Variants in NINL observed in about 807,000 individuals in gnomAD.
NINL encodes ninein like.
Under a neutral mutation model 160.3 loss-of-function variants are expected in NINL, and 153 were observed. The ratio of observed to expected loss-of-function variants is 0.95; its 90% confidence interval spans 0.84 to 1.09. The LOEUF (loss-of-function observed/expected upper bound fraction) is 1.09, where lower values mean the gene tolerates loss of function less well. Among genes scored for constraint, NINL ranks in the 50% least tolerant of loss-of-function variants. The pLI, the probability that NINL is intolerant of heterozygous loss-of-function variation, is 0.00. For missense variants in NINL, 1,829 were observed against 1,764.0 expected (o/e 1.04, Z -0.66); for synonymous variants, 800 against 734.8 (o/e 1.09, Z -1.43).
Position 25,467,450 on chromosome 20 carries a change from A to G in NINL, c.3362T>C (p.Ile1121Thr), listed in dbSNP as rs1161717530. 33 of 1,613,482 alleles carry G rather than the reference A, an allele frequency of 2.0e-5. No homozygotes were observed. The highest frequency in any genetic ancestry group is 2.5e-5 in the Non-Finnish European group (29 of 1,179,592). Reference sequence around the variant, plus strand: ...TTCCTTGTCTTTCTTTAAAACCTCAATTTCCTTCCTGTTGAAGAAGCACAA... The same window carrying G: ...TTCCTTGTCTTTCTTTAAAACCTCAGTTTCCTTCCTGTTGAAGAAGCACAA... Reference protein sequence around the residue: ...ESTHDAQRKEIEVLKKDKEKA... With the variant: ...ESTHDAQRKETEVLKKDKEKA... Residue 1121 changes from isoleucine to threonine, a missense_variant, in exon 19 of 24, where the codon ATT becomes ACT. Physicochemically the swap from Ile to Thr is moderately conservative, Grantham distance 89. Transcript: ENST00000278886.
intron 18 of NINL, among the ~76,000 whole-genome samples, chr20:25,468,557 GC>G (rs2062983281): frequency 9.7e-6 from 1 of 103,184 alleles, no homozygotes; most frequent in African/African-American, 4.6e-5. Context: ...TCTCACTGGT[GC>G]GCACCCCCCT....
intron 5 of NINL, among the ~76,000 whole-genome samples, chr20:25,509,058 TTG>T (rs998436270): frequency 2.0e-5 from 3 of 152,196 alleles, no homozygotes; most frequent in African/African-American, 2.4e-5. Flanking sequence ...TCTGGTAGGC[TTG>T]TGACAGCTCT....
Position 25,565,666 on chromosome 20 carries a change from G to A in NINL, c.-12+19789C>T, listed in dbSNP as rs528276015. ...TCATCTTGACTGAATAAAGAAATAC[G>A]TAGAAACCCGCTAGGGCATTATGTT... On this transcript the variant is annotated intron_variant, in intron 1 of 23. Transcript: ENST00000278886. Among the ~76,000 whole-genome samples the A allele has an allele frequency of 9.2e-5, 14 of 152,300 alleles. 1 individual carries two copies. The South Asian group carries it at 2.7e-3, about 29-fold the overall frequency.
At position 25,489,888 on chromosome 20, in the gene NINL, A is replaced by G; in HGVS notation, c.1583T>C (p.Val528Ala). 6.2e-7 allele frequency: 1 copy of G among 1,614,038 alleles called. No individual in the cohort carries two copies. The highest frequency in any genetic ancestry group is 8.5e-7 in the Non-Finnish European group (1 of 1,179,976). The change falls in exon 12 of 24, where the codon GTG becomes GCG. Residue 528 changes from valine (V) to alanine (A), a missense_variant. By Grantham distance (64) the Val-to-Ala change is moderately conservative. Transcript: ENST00000278886. ...ALKLQKDLEF[V>A]LKDKLEPQSA... ...AAAGGGACTCGCCTTGTCCTTCAGC[A>G]CAAACTCCAGGTCCTTCTGCAGCTT...
Position 25,550,007 on chromosome 20 carries a change from C to T in NINL, c.-11-23409G>A, listed in dbSNP as rs141249762. The stretch of plus-strand genomic sequence containing the variant: ...AACACTGAGAGGACAGTGAAAAGAA[C>T]ACATGAAACACTTGGCATCTGTGTA... On this transcript the variant is annotated intron_variant, in intron 1 of 23. Coordinates refer to ENST00000278886, the MANE Select transcript of NINL (RefSeq NM_025176.6). Among the ~76,000 whole-genome samples, 207 of 152,342 alleles carry T rather than the reference C, an allele frequency of 1.4e-3. 1 individual carries two copies. The highest frequency in any genetic ancestry group is 4.7e-3 in the African/African-American group (195 of 41,566).
At position 25,569,450 on chromosome 20, in the gene NINL, C is replaced by T. The variant is rs921275003; in HGVS notation, c.-12+16005G>A. On this transcript the variant is annotated intron_variant, in intron 1 of 23. Transcript: ENST00000278886. The stretch of plus-strand genomic sequence containing the variant: ...TCTGTGATAATGCTTCCCAAGGGAG[C>T]GCCACAGTGCTGGGTTGGAGCAGCA... Among the ~76,000 whole-genome samples, 8 of 152,228 alleles carry T rather than the reference C, an allele frequency of 5.3e-5. No individual in the cohort carries two copies. In the South Asian group the frequency reaches 6.2e-4, roughly 12 times the overall value.
intron 1 of NINL, among the ~76,000 whole-genome samples, chr20:25,541,092 T>C (rs1250968616): frequency 6.6e-6 from 1 of 152,210 alleles, no homozygotes; most frequent in Non-Finnish European, 1.5e-5. Flanking sequence ...ATGTTAAAAC[T>C]GTCCTAGAAC....
chr20:25,507,783 C>T (rs1010299414), intron 5 of NINL, among the ~76,000 whole-genome samples: 1 of 152,200 alleles, frequency 6.6e-6, no homozygotes, highest in African/African-American at 2.4e-5. Context: ...AAAAGGCCAC[C>T]TTCGAGGTCC....
chr20:25,539,952 C>T, intron 1 of NINL: 1 of 1,099,712 alleles, frequency 9.1e-7, no homozygotes, highest in Non-Finnish European at 1.2e-6. Flanking sequence ...CCGGGGGCTC[C>T]CAGGCCTGCG....
intron 1 of NINL, among the ~76,000 whole-genome samples, chr20:25,540,725 T>C (rs1050680191): frequency 1.3e-5 from 2 of 152,206 alleles, no homozygotes; most frequent in African/African-American, 4.8e-5. Flanking sequence ...AGCCAGTGCC[T>C]ACCTTCCAGC....
At position 25,491,354 on chromosome 20, in the gene NINL, C is replaced by G. The variant is rs1331308853; in HGVS notation, c.1482G>C (p.Leu494=). ...AGLREKLTLA[L]KENSRLQKEI... is the part of the protein sequence containing the mutation. Reference sequence around the variant, plus strand: ...GATGCCCTGGGGATGCCCCTACCTTCAGGGCCAGGGTCAGCTTCTCGCGGA... The same window carrying G: ...GATGCCCTGGGGATGCCCCTACCTTGAGGGCCAGGGTCAGCTTCTCGCGGA... The change falls in exon 11 of 24, where the codon CTG becomes CTC. Residue 494 remains leucine, a synonymous_variant. Transcript: ENST00000278886. 6.2e-7 allele frequency: 1 copy of G among 1,605,680 alleles called. No homozygotes were observed. Among genetic ancestry groups the G allele is most frequent in the Non-Finnish European group, 8.5e-7 (1 of 1,177,698 alleles).
At chr20:25,520,612 C>T (rs538337197) in intron 2 of NINL, among the ~76,000 whole-genome samples, 1 of 152,348 alleles carries the variant, frequency 6.6e-6, no homozygotes, top group African/African-American at 2.4e-5. Context: ...AACTCTCCTT[C>T]TCACAGAGGC....
chr20:25,571,015 T>C (rs2065049319), intron 1 of NINL, among the ~76,000 whole-genome samples: 1 of 152,016 alleles, frequency 6.6e-6, no homozygotes, highest in Non-Finnish European at 1.5e-5. Flanking sequence ...CAAGTAGATG[T>C]TATTATTCTG....
rs2063246780 is a variant in NINL at position 25,476,542 on chromosome 20, C to A, written c.2749G>T (p.Asp917Tyr). The change falls in exon 17 of 24, where the codon GAT (aspartate) becomes TAT (tyrosine). Residue 917 changes from aspartate to tyrosine, a missense_variant. Coordinates refer to ENST00000278886, the MANE Select transcript of NINL (RefSeq NM_025176.6). ...SRMQPCGVDG[D>Y]IVPKEPEPFG... ...GGCTCTGGCTCCTTTGGGACAATAT[C>A]CCCATCCACTCCACAGGGCTGCATG... 3 of 1,600,220 alleles carry A rather than the reference C, an allele frequency of 1.9e-6. No individual in the cohort carries two copies. In the East Asian group the frequency reaches 6.7e-5, roughly 36 times the overall value.
Position 25,471,643 on chromosome 20 carries a change from G to A in NINL, c.3249-1548C>T, listed in dbSNP as rs533641268. ...CCTGGAAGCTGAAACCAACGCGTGAGCACTATGCAACACAAAGCTGGGGGG... is the reference window on the plus strand; with the variant it reads ...CCTGGAAGCTGAAACCAACGCGTGAACACTATGCAACACAAAGCTGGGGGG... On this transcript the variant is annotated intron_variant, in intron 17 of 23. Coordinates refer to ENST00000278886, the MANE Select transcript of NINL (RefSeq NM_025176.6). Among the ~76,000 whole-genome samples the A allele has an allele frequency of 7.2e-5, 11 of 152,344 alleles. No individual in the cohort carries two copies. In the East Asian group the frequency reaches 1.9e-3, roughly 27 times the overall value.
At chr20:25,504,151 C>T in intron 6 of NINL, 47 bp from the exon 7 acceptor site, 1 of 1,523,114 alleles carries the variant, frequency 6.6e-7, no homozygotes. Flanking sequence ...AGAGCTCCAC[C>T]CAACCGCCCT....
intron 1 of NINL, among the ~76,000 whole-genome samples, chr20:25,578,419 T>C (rs368046766): frequency 6.6e-6 from 1 of 152,152 alleles, no homozygotes; most frequent in African/African-American, 2.4e-5. Flanking sequence ...TGAAATGTTA[T>C]TTCCATGGGC....
rs1165122556 is a variant in NINL at position 25,476,408 on chromosome 20, G to A, written c.2883C>T (p.Pro961=). ...CCCTGCACGAAGCGGCCGGCCTCAG[G>A]GGTGGCTCCCACATCCGTGGCTGGG... ...SQTQPRMWEP[P]LRPAASCRGQ... The change falls in exon 17 of 24, where the codon CCC becomes CCT. Residue 961 remains proline, a synonymous_variant. Coordinates refer to ENST00000278886, the MANE Select transcript of NINL (RefSeq NM_025176.6). The A allele has an allele frequency of 1.3e-6, 2 of 1,574,850 alleles. No homozygotes were observed. Among genetic ancestry groups the A allele is most frequent in the South Asian group, 2.2e-5 (2 of 89,968 alleles).
intron 21 of NINL, among the ~76,000 whole-genome samples, chr20:25,460,570 C>T (rs2062758022): frequency 6.6e-6 from 1 of 152,176 alleles, no homozygotes; most frequent in Admixed American, 6.5e-5. Flanking sequence ...TCCAGGGTTC[C>T]TTTTAGACTC....
Sources: gnomAD v4.1 joint callset for allele counts (sites outside exome capture counted in the v4.1 genomes callset) on GRCh38, gnomAD v4.1.1 for gene constraint, MANE v1.5 for transcripts, NCBI Gene and HGNC (gene_info 2026-07-23, HGNC 2026-07-21) for gene names.